The following CDH15 variants were observed in gnomAD, a reference collection of about 807,000 sequenced individuals.
CDH15 encodes the protein cadherin 15.
CDH15 carries 73 observed loss-of-function variants against 69.4 expected under a neutral mutation model. The observed-to-expected ratio is 1.05, with a 90% CI of 0.87 to 1.28. CDH15 has a LOEUF of 1.28. CDH15 is among the 50% of genes most tolerant of loss of function. The pLI, the probability that CDH15 is intolerant of heterozygous loss-of-function variation, is 0.00. For missense variants in CDH15, 1,343 were observed against 1,133.6 expected (o/e 1.18, Z -2.65); for synonymous variants, 624 against 507.7 (o/e 1.23, Z -3.08).
chr16:89,176,954 G>T (rs1260512147), intron 1 of CDH15, among the ~76,000 whole-genome samples: 3 of 152,158 alleles, frequency 2.0e-5, no homozygotes, highest in Non-Finnish European at 2.9e-5. Context: ...CAGAGAGCAT[G>T]GCCCGGGGTA....
Position 89,180,377 on chromosome 16 carries a change from C to A in CDH15, c.357+22C>A, listed in dbSNP as rs116889318. 18,344 of 1,606,948 alleles carry A rather than the reference C, an allele frequency of 0.011. 614 individuals are homozygous for A. In the East Asian group the frequency reaches 0.12, roughly 10 times the overall value. ...CAGGGTGCGGAGCTGCGTGGTCGGA[C>A]CTGTGCCCCTCAAGCAGGCCTGGTG... is the stretch of plus-strand genomic sequence containing the variant. On this transcript the variant is annotated intron_variant, in intron 3 of 13. Transcript: ENST00000289746.
At chr16:89,186,260 AGGT>A (rs1488253502) in intron 5 of CDH15, 2 of 102,898 alleles carry the variant, frequency 1.9e-5, no homozygotes, top group Non-Finnish European at 4.0e-5. Flanking sequence ...AGTGCACAGT[AGGT>A]GCTCTGTAAA....
At position 89,192,443 on chromosome 16, in the gene CDH15, G is replaced by A. The variant is rs1322987122; in HGVS notation, c.1854G>A (p.Leu618=). The part of the protein sequence containing the change: ...VIVLASALLL[L]VLVLLVALRA... ...TGCTGGCCAGCGCCCTCCTGCTGCT[G>A]GGTGAGTGAGCGCCCCGCCTCCACC... The change falls in exon 11 of 14, where the codon CTG becomes CTA. Residue 618 remains leucine, a splice_region_variant and synonymous_variant. Transcript: ENST00000289746. 1.9e-6 allele frequency: 3 copies of A among 1,561,322 alleles called. No homozygotes were observed. Among genetic ancestry groups the A allele is most frequent in the Admixed American group, 1.8e-5 (1 of 55,178 alleles).
At chr16:89,185,417 C>G (rs750833372) in intron 5 of CDH15, 84 bp downstream of exon 5, 1 of 1,425,346 alleles carries the variant, frequency 7.0e-7, no homozygotes, top group South Asian at 1.2e-5. Context: ...AGCCTGCCCA[C>G]CCCAGACGCT....
Position 89,185,223 on chromosome 16 carries a change from G to A in CDH15, c.553G>A (p.Asp185Asn). 2 of 1,606,132 alleles carry A rather than the reference G, an allele frequency of 1.2e-6. No individual in the cohort carries two copies. Among genetic ancestry groups the A allele is most frequent in the South Asian group, 1.1e-5 (1 of 89,736 alleles). ...EATDADDPET[D>N]NAALRFSILQ... ...CACAGATGCCGACGACCCCGAGACG[G>A]ACAACGCAGCGCTGCGGTTCTCCAT... Residue 185 changes from aspartate (D) to asparagine (N), a missense_variant, in exon 5 of 14, where the codon GAC (aspartate) becomes AAC (asparagine). Transcript: ENST00000289746.
intron 11 of CDH15, among the ~76,000 whole-genome samples, chr16:89,193,173 T>G (rs1158465269): frequency 2.6e-4 from 1 of 3,790 alleles, no homozygotes; most frequent in Non-Finnish European, 5.1e-4. Context: ...ACCCGCCCCC[T>G]GCTCGCAAAC....
In CDH15 at chr16:89,191,780, C is replaced by G. The variant is rs1231909998; in HGVS notation, c.1501C>G (p.Leu501Val). The G allele has an allele frequency of 1.9e-6, 3 of 1,606,458 alleles. No homozygotes were observed. In the South Asian group the frequency reaches 3.3e-5, roughly 18 times the overall value. The change falls in exon 10 of 14, where the codon CTC becomes GTC. Residue 501 changes from leucine to valine, a missense_variant. Physicochemically the swap from Leu to Val is conservative, Grantham distance 32. Transcript: ENST00000289746. ...LCSEPHQGPG[L>V]LLGATDEDLP... ...CAGCGAGCCACACCAAGGCCCAGGC[C>G]TCCTCCTGGGCGCCACGGATGAGGA...
intron 1 of CDH15, among the ~76,000 whole-genome samples, chr16:89,178,782 G>A (rs1915311922): frequency 6.6e-6 from 1 of 152,194 alleles, no homozygotes; most frequent in South Asian, 2.1e-4. Context: ...CGCATCCCGG[G>A]GTTCAGTTCC....
intron 7 of CDH15, 97 bp from the exon 8 acceptor site, chr16:89,190,146 C>T: frequency 6.9e-7 from 1 of 1,453,736 alleles, no homozygotes; most frequent in Non-Finnish European, 9.5e-7. Context: ...AGTACAGGTG[C>T]TCTGGACAGA....
intron 5 of CDH15, among the ~76,000 whole-genome samples, chr16:89,186,415 A>G (rs1411276350): frequency 1.5e-5 from 2 of 134,856 alleles, no homozygotes; most frequent in Admixed American, 1.4e-4. Flanking sequence ...ACGCTCACCC[A>G]GCGCACAGTA....
chr16:89,183,259 A>G (rs923921201), intron 3 of CDH15: 1 of 406,618 alleles, frequency 2.5e-6, no homozygotes, highest in Non-Finnish European at 4.5e-6. Context: ...GAGATTAGGA[A>G]CCCTCTGAGA....
chr16:89,181,247 C>T (rs573457596), intron 3 of CDH15, among the ~76,000 whole-genome samples: 6 of 152,226 alleles, frequency 3.9e-5, no homozygotes, highest in African/African-American at 4.8e-5. Context: ...TCCCAGTGGC[C>T]GCCACTGTTC....
Position 89,173,389 on chromosome 16 carries a change from G to A in CDH15, c.42+1516G>A, listed in dbSNP as rs150298614. Among the ~76,000 whole-genome samples, 359 of 152,320 alleles carry A rather than the reference G, an allele frequency of 2.4e-3. 1 individual carries two copies. The highest frequency in any genetic ancestry group is 4.7e-3 in the Non-Finnish European group (319 of 68,020). ...TCAAAAGGCCCCAGGGGGCTCTGTG[G>A]CAGGTGGGGAGGCAGGCAGGACCTC... On this transcript the variant is annotated intron_variant, in intron 1 of 13. Coordinates refer to ENST00000289746, the MANE Select transcript of CDH15 (RefSeq NM_004933.3).
intron 13 of CDH15, 112 bp downstream of exon 13, chr16:89,194,025 T>G: frequency 1.6e-6 from 2 of 1,227,196 alleles, no homozygotes; most frequent in Admixed American, 4.0e-5. Flanking sequence ...CATGCACTTA[T>G]GGGCCGTCCC....
chr16:89,189,041 A>T (rs1294015723), intron 7 of CDH15, among the ~76,000 whole-genome samples: 20 of 144,392 alleles, frequency 1.4e-4, no homozygotes, highest in Non-Finnish European at 1.5e-5. Flanking sequence ...ATGTTGGCAC[A>T]CACAGGTGCC....
At chr16:89,194,049 G>A in intron 13 of CDH15, 136 bp downstream of exon 13, 1 of 1,051,948 alleles carries the variant, frequency 9.5e-7, no homozygotes, top group Non-Finnish European at 1.4e-6. Context: ...GCACCGCAGA[G>A]GAAGATGGTG....
At chr16:89,185,382 A>G (rs1430656781) in intron 5 of CDH15, 49 bp downstream of exon 5, 2 of 1,549,112 alleles carry the variant, frequency 1.3e-6, no homozygotes, top group African/African-American at 1.4e-5. Flanking sequence ...AGGGCAGCCC[A>G]TCTCCTGCGG....
intron 1 of CDH15, among the ~76,000 whole-genome samples, chr16:89,174,913 C>G (rs1040900378): frequency 6.6e-6 from 1 of 152,168 alleles, no homozygotes; most frequent in Non-Finnish European, 1.5e-5. Flanking sequence ...CCGGATGTCC[C>G]GATCTCCCCA....
rs1915663993 is a variant in CDH15, at chr16:89,192,212, C to T, written c.1623C>T (p.His541=). Residue 541 remains histidine, a synonymous_variant, in exon 11 of 14, where the codon CAC becomes CAT. Transcript: ENST00000289746. ...CACAGGCGCCCTCCGCAGTGAGCCA[C>T]GCGCGCCTGCGGCCGCGACACCAGG... ...NWSLSQVNVS[H]ARLRPRHQVP... 4.6e-6 allele frequency: 7 copies of T among 1,528,942 alleles called. No individual in the cohort carries two copies. Among genetic ancestry groups the T allele is most frequent in the Non-Finnish European group, 6.1e-6 (7 of 1,144,372 alleles). 94.7% of individuals were successfully genotyped at this position (1,528,942 alleles called of 1,614,324 possible). A position where few individuals can be genotyped will look rare whatever the true frequency, so the allele number is the denominator to read the frequency against.
Sources: allele counts gnomAD v4.1 joint callset (sites outside exome capture counted in the v4.1 genomes callset), GRCh38; gene constraint gnomAD v4.1.1; transcripts MANE v1.5; gene names NCBI Gene and HGNC (gene_info 2026-07-23, HGNC 2026-07-21).